The following MOK variants were observed in gnomAD, a reference collection of about 807,000 sequenced individuals.
The protein encoded by MOK is MAPK/MAK/MRK overlapping kinase.
MOK carries 59 observed loss-of-function variants against 54.2 expected under a neutral mutation model. The ratio of observed to expected loss-of-function variants is 1.09; its 90% CI spans 0.88 to 1.35. The LOEUF (loss-of-function observed/expected upper bound fraction) is 1.35, where lower values mean the gene tolerates loss of function less well. Among genes scored for constraint, MOK ranks in the 40% most tolerant of loss-of-function variants. MOK has a pLI of 0.00. For missense variants in MOK, 517 were observed against 526.2 expected, an observed-to-expected ratio of 0.98 and a Z score of 0.17; for synonymous variants, 210 against 202.7, an observed-to-expected ratio of 1.04 and a Z score of -0.31.
At chr14:102,255,329 A>C (rs2066864845) in intron 4 of MOK, among the ~76,000 whole-genome samples, 1 of 152,060 alleles carries the variant, frequency 6.6e-6, no homozygotes, top group South Asian at 2.1e-4. Context: ...AAAAACAATA[A>C]AATAAAATTT....
Position 102,265,834 on chromosome 14 carries a change from A to G in MOK, c.201T>C (p.His67=). The G allele has an allele frequency of 6.2e-7, 1 of 1,613,678 alleles. No homozygotes were observed. The highest frequency in any genetic ancestry group is 8.5e-7 in the Non-Finnish European group (1 of 1,179,612). The change falls in exon 3 of 12, where the codon CAT becomes CAC. Residue 67 remains histidine, a synonymous_variant. Transcript: ENST00000361847. ...CCAAATATACTTACAAAACCACTTC[A>G]TGCAACATAAGAATGTTTGGGTGCG... ...LNPHPNILML[H]EVVFDRKSGS...
At chr14:102,292,888 C>T (rs1365472749) in intron 1 of MOK, among the ~76,000 whole-genome samples, 1 of 152,120 alleles carries the variant, frequency 6.6e-6, no homozygotes, top group Non-Finnish European at 1.5e-5. Context: ...AATCCCAGCA[C>T]TTTGTGAGGC....
chr14:102,231,750 G>A lies in MOK; in HGVS notation c.938C>T (p.Pro313Leu). 6.2e-7 allele frequency: 1 copy of A among 1,612,344 alleles called. No homozygotes were observed. The highest frequency in any genetic ancestry group is 8.5e-7 in the Non-Finnish European group (1 of 1,179,616). The stretch of plus-strand genomic sequence containing the variant: ...GGAAATCTGGCAGCTGTTACTGAGT[G>A]GTTCCGGTGCCACAGGGTGCTCCGG... ...GFPEHPVAPE[P>L]LSNSCQISKE... Residue 313 changes from proline (P) to leucine (L), a missense_variant, in exon 10 of 12, where the codon CCA becomes CTA. Coordinates refer to ENST00000361847, the MANE Select transcript of MOK (RefSeq NM_014226.3). This position sits in a 1 kb window ranked among gnomAD's most constrained non-coding sequence, Gnocchi z 4.4.
Position 102,232,634 on chromosome 14 carries a change from G to A in MOK, c.767C>T (p.Pro256Leu). The change falls in exon 9 of 12, where the codon CCA (proline) becomes CTA (leucine). Residue 256 changes from proline to leucine, a missense_variant. Pro to Leu is a moderately conservative substitution (Grantham distance 98). Transcript: ENST00000361847. The surrounding 1 kb of genome is among the most constrained non-coding windows in gnomAD (Gnocchi z 5.1). Reference protein sequence around the residue: ...GIPLLTTNLSPQCLSLLHAMV... With the variant: ...GIPLLTTNLSLQCLSLLHAMV... Reference sequence around the variant, plus strand: ...TGCGTGCAGGAGGGAGAGGCATTGTGGGGACAAATTGGTTGTTAGTAGAGG... The same window carrying A: ...TGCGTGCAGGAGGGAGAGGCATTGTAGGGACAAATTGGTTGTTAGTAGAGG... The A allele has an allele frequency of 2.5e-6, 4 of 1,614,046 alleles. No individual in the cohort carries two copies. Among genetic ancestry groups the A allele is most frequent in the Non-Finnish European group, 3.4e-6 (4 of 1,179,944 alleles).
chr14:102,261,997 C>T (rs1277911090), intron 4 of MOK, among the ~76,000 whole-genome samples: 2 of 151,776 alleles, frequency 1.3e-5, no homozygotes, highest in Admixed American at 1.3e-4. Flanking sequence ...CCCGCCACCA[C>T]GCCCGGCTAA....
downstream of MOK, among the ~76,000 whole-genome samples, chr14:102,224,276 G>A (rs1350569629): frequency 1.3e-5 from 2 of 151,796 alleles, no homozygotes; most frequent in African/African-American, 4.8e-5. Context: ...TCCTGACCTC[G>A]TGATCCGCCT....
intron 2 of MOK, among the ~76,000 whole-genome samples, chr14:102,268,651 C>G (rs1202841043): frequency 6.6e-6 from 1 of 152,112 alleles, no homozygotes; most frequent in African/African-American, 2.4e-5. Context: ...CACGGTGGCT[C>G]ATGCCTGTAA....
intron 2 of MOK, among the ~76,000 whole-genome samples, chr14:102,273,917 A>T (rs544045266): frequency 6.6e-6 from 1 of 152,182 alleles, no homozygotes; most frequent in African/African-American, 2.4e-5. Flanking sequence ...TGAACGATAG[A>T]CTCAATACAA....
chr14:102,282,460 C>A (rs760615753), intron 2 of MOK, among the ~76,000 whole-genome samples: 3 of 152,100 alleles, frequency 2.0e-5, no homozygotes, highest in Non-Finnish European at 4.4e-5. Flanking sequence ...CACAGCCAGG[C>A]ACAGTGGCTC....
intron 1 of MOK, among the ~76,000 whole-genome samples, chr14:102,297,870 G>A (rs55748354): frequency 0.018 from 2,759 of 152,254 alleles, 91 homozygotes; most frequent in African/African-American, 0.063. Flanking sequence ...CTGCAGTGCC[G>A]GCCCACCGGC....
At chr14:102,298,441 G>A (rs1485877458) in intron 1 of MOK, among the ~76,000 whole-genome samples, 1 of 152,118 alleles carries the variant, frequency 6.6e-6, no homozygotes, top group East Asian at 1.9e-4. Flanking sequence ...CTCAAAGTTT[G>A]TAAACACACC....
the MOK span, chr14:102,215,006 TGTA>T: frequency 1.0e-6 from 1 of 983,556 alleles, no homozygotes; most frequent in East Asian, 1.1e-4. Flanking sequence ...GAACTGTAAA[TGTA>T]GATAATTTTC....
At chr14:102,303,065 G>T (rs1458714847) in intron 1 of MOK, among the ~76,000 whole-genome samples, 2 of 151,812 alleles carry the variant, frequency 1.3e-5, no homozygotes, top group African/African-American at 4.8e-5. Flanking sequence ...GGAGGCTGAG[G>T]TAGGAGAATC....
At position 102,245,328 on chromosome 14, in the gene MOK, C is replaced by T. The variant is rs1217220454; in HGVS notation, c.590+5484G>A. Among the ~76,000 whole-genome samples, 1 of 151,996 alleles carries T rather than the reference C, an allele frequency of 6.6e-6. No homozygotes were observed. Among genetic ancestry groups the T allele is most frequent in the East Asian group, 1.9e-4 (1 of 5,178 alleles). On this transcript the variant is annotated intron_variant, in intron 7 of 11. Coordinates refer to ENST00000361847, the MANE Select transcript of MOK (RefSeq NM_014226.3). This position sits in a 1 kb window ranked among gnomAD's most constrained non-coding sequence, Gnocchi z 4.3. ...GCCCATTATCTCTTCATACCACCCC[C>T]CCAAAAATTTTCACTGCCCCAACAC...
chr14:102,287,432 C>A (rs954399959), intron 1 of MOK, among the ~76,000 whole-genome samples: 67 of 152,170 alleles, frequency 4.4e-4, no homozygotes, highest in Non-Finnish European at 6.5e-4. Flanking sequence ...GATGATGAAA[C>A]CCCATCGTAC....
chr14:102,298,731 C>T (rs370824640), intron 1 of MOK, among the ~76,000 whole-genome samples: 2 of 152,296 alleles, frequency 1.3e-5, no homozygotes, highest in South Asian at 2.1e-4. Context: ...TCCCCTTCCA[C>T]AATGTGGAAG....
chr14:102,241,429 TAAG>T (rs2153098035), intron 7 of MOK, among the ~76,000 whole-genome samples: 1 of 152,344 alleles, frequency 6.6e-6, no homozygotes, highest in African/African-American at 2.4e-5. Flanking sequence ...AATTTCCTCT[TAAG>T]GAGGTGGCTG....
In MOK at chr14:102,272,988, G is replaced by C. The variant is rs537732724; in HGVS notation, c.123-7076C>G. Among the ~76,000 whole-genome samples, 67 of 152,220 alleles carry C rather than the reference G, an allele frequency of 4.4e-4. 1 individual carries two copies. The highest frequency in any genetic ancestry group is 1.6e-3 in the African/African-American group (65 of 41,528). On this transcript the variant is annotated intron_variant, in intron 2 of 11. Coordinates refer to ENST00000361847, the MANE Select transcript of MOK (RefSeq NM_014226.3). Reference sequence around the variant, plus strand: ...AGTTCGAGACCAGCCTGGCCAATACGGTTAAACCCTGTCTCTACTTAAAAT... The same window carrying C: ...AGTTCGAGACCAGCCTGGCCAATACCGTTAAACCCTGTCTCTACTTAAAAT...
downstream of MOK, among the ~76,000 whole-genome samples, chr14:102,222,444 C>T (rs977980359): frequency 5.9e-5 from 9 of 152,204 alleles, no homozygotes; most frequent in Non-Finnish European, 2.9e-5. This position sits in a 1 kb window ranked among gnomAD's most constrained non-coding sequence, Gnocchi z 4.4. Context: ...TCCAGAACTG[C>T]GGTGCCCTGG....
Sources: gnomAD v4.1 joint callset for allele counts (sites outside exome capture counted in the v4.1 genomes callset) on GRCh38, gnomAD v4.1.1 for gene constraint, Gnocchi (gnomAD v3.1) non-coding constraint, MANE v1.5 for transcripts, NCBI Gene and HGNC (gene_info 2026-07-23, HGNC 2026-07-21) for gene names.